Variants in KCNIP1 observed in about 807,000 individuals in gnomAD.
KCNIP1 encodes the protein potassium voltage-gated channel interacting protein 1, also known as A-type potassium channel modulatory protein KCNIP1.
KCNIP1 carries 18 observed loss-of-function variants against 33.0 expected under a neutral mutation model. The observed-to-expected ratio is 0.55, with a 90% CI of 0.38 to 0.81. KCNIP1 has a LOEUF of 0.81. KCNIP1 is among the 30% of genes least tolerant of loss of function. The pLI, the probability that KCNIP1 is intolerant of heterozygous loss-of-function variation, is 0.00. For missense variants in KCNIP1, 238 were observed against 271.6 expected, an observed-to-expected ratio of 0.88 and a Z score of 0.87; for synonymous variants, 93 against 98.3, an observed-to-expected ratio of 0.95 and a Z score of 0.32.
intron 1 of KCNIP1, among the ~76,000 whole-genome samples, chr5:170,396,295 G>A (rs1754761431): frequency 6.6e-6 from 1 of 152,212 alleles, no homozygotes; most frequent in Non-Finnish European, 1.5e-5. Context: ...CCAGCCTGGG[G>A]AGACCCTCAG....
chr5:170,453,207 T>A (rs1316234793), intron 1 of KCNIP1, among the ~76,000 whole-genome samples: 2 of 152,234 alleles, frequency 1.3e-5, no homozygotes, highest in Admixed American at 6.5e-5. Flanking sequence ...GCTCTCAAAA[T>A]GCATTTACGC....
At chr5:170,665,472 A>G (rs950580819) in intron 1 of KCNIP1, among the ~76,000 whole-genome samples, 1 of 152,168 alleles carries the variant, frequency 6.6e-6, no homozygotes, top group Non-Finnish European at 1.5e-5. Context: ...TTTCAAAACA[A>G]ACTCTTCATT....
chr5:170,383,812 G>A, intron 1 of KCNIP1: 1 of 1,614,084 alleles, frequency 6.2e-7, no homozygotes, highest in African/African-American at 1.3e-5. Flanking sequence ...CCTGATGTTG[G>A]TCTCAATCAG....
chr5:170,383,587 C>T, intron 1 of KCNIP1: 1 of 1,435,634 alleles, frequency 7.0e-7, no homozygotes, highest in Non-Finnish European at 9.7e-7. Context: ...GTGGGTTGAT[C>T]TTTCTCAGCC....
intron 1 of KCNIP1, among the ~76,000 whole-genome samples, chr5:170,627,311 TC>T (rs1321098101): frequency 5.3e-5 from 8 of 152,188 alleles, no homozygotes; most frequent in Non-Finnish European, 8.8e-5. Flanking sequence ...CTGAGAGAGT[TC>T]CCTCTGCATC....
intron 1 of KCNIP1, among the ~76,000 whole-genome samples, chr5:170,395,651 T>C (rs566080261): frequency 2.0e-5 from 3 of 152,308 alleles, no homozygotes; most frequent in Non-Finnish European, 2.9e-5. Flanking sequence ...TGGATAGAGA[T>C]GGCAACATCA....
chr5:170,476,616 A>G (rs896329839), intron 1 of KCNIP1, among the ~76,000 whole-genome samples: 1 of 152,192 alleles, frequency 6.6e-6, no homozygotes, highest in Non-Finnish European at 1.5e-5. Context: ...TATCAAAGTT[A>G]CGGTCTTGGG....
In KCNIP1 at chr5:170,682,882, G is replaced by A. The variant is rs1252708199; in HGVS notation, c.62-35876G>A. Among the ~76,000 whole-genome samples the A allele has an allele frequency of 1.3e-4, 18 of 136,606 alleles. No individual in the cohort carries two copies. In the Admixed American group the frequency reaches 1.4e-3, roughly 11 times the overall value. 89.6% of individuals were successfully genotyped at this position (136,606 alleles called of 152,430 possible). A position where few individuals can be genotyped will look rare whatever the true frequency, so the allele number is the denominator to read the frequency against. ...GACCTCAGGTCATCCACCTGCCTTG[G>A]CCTCCCAAAGTGCTGGGATTACAGG... On this transcript the variant is annotated intron_variant, in intron 1 of 7. Transcript: ENST00000328939.
At chr5:170,679,137 C>T (rs1322540673) in intron 1 of KCNIP1, 1 of 152,204 alleles carries the variant, frequency 6.6e-6, no homozygotes, top group Admixed American at 6.5e-5. Context: ...AGCGTGGCAT[C>T]CTGGTAATTC....
At chr5:170,725,850 C>T (rs1310094776) in intron 5 of KCNIP1, among the ~76,000 whole-genome samples, 1 of 151,522 alleles carries the variant, frequency 6.6e-6, no homozygotes, top group Non-Finnish European at 1.5e-5. Context: ...AGAGATAGAC[C>T]CACCCATATG....
intron 1 of KCNIP1, chr5:170,484,071 A>G (rs1278523582): frequency 6.6e-6 from 1 of 152,292 alleles, no homozygotes; most frequent in Non-Finnish European, 1.5e-5. Context: ...AGCAGGGGGC[A>G]CTCACATCAT....
intron 1 of KCNIP1, among the ~76,000 whole-genome samples, chr5:170,488,817 C>T (rs935569495): frequency 3.3e-5 from 5 of 152,132 alleles, no homozygotes; most frequent in African/African-American, 7.2e-5. Context: ...GGAGCATCCA[C>T]GTGAGCAAAT....
intron 1 of KCNIP1, among the ~76,000 whole-genome samples, chr5:170,595,350 A>G (rs557411039): frequency 3.1e-4 from 47 of 152,360 alleles, no homozygotes; most frequent in African/African-American, 1.1e-3. Context: ...CAGTTCCATC[A>G]GTGGTGGGAT....
At chr5:170,731,741 A>C in intron 5 of KCNIP1, among the ~76,000 whole-genome samples, 1 of 151,854 alleles carries the variant, frequency 6.6e-6, no homozygotes, top group Admixed American at 6.6e-5. Context: ...AAACTCATAC[A>C]GATTAGAAGA....
chr5:170,726,638 G>A (rs536837227), intron 5 of KCNIP1, among the ~76,000 whole-genome samples: 9 of 150,760 alleles, frequency 6.0e-5, no homozygotes, highest in South Asian at 2.1e-4. Flanking sequence ...GGTGGCTTAC[G>A]CCTATAATCC....
intron 1 of KCNIP1, among the ~76,000 whole-genome samples, chr5:170,373,549 AT>A (rs1449386899): frequency 2.6e-5 from 4 of 152,258 alleles, no homozygotes; most frequent in African/African-American, 4.8e-5. Flanking sequence ...GAATTTACTT[AT>A]TTTAAAATAA....
chr5:170,699,957 A>G (rs776829203), intron 1 of KCNIP1, among the ~76,000 whole-genome samples: 7 of 152,212 alleles, frequency 4.6e-5, no homozygotes, highest in Non-Finnish European at 8.8e-5. Flanking sequence ...CCTAAAAATA[A>G]CAAGACTGTA....
At position 170,709,937 on chromosome 5, in the gene KCNIP1, G is replaced by A. The variant is rs190127588; in HGVS notation, c.62-8821G>A. Among the ~76,000 whole-genome samples the A allele has an allele frequency of 1.3e-3, 199 of 151,494 alleles. No homozygotes were observed. In the Middle Eastern group the frequency reaches 0.02, roughly 16 times the overall value. ...GCCTGGAGTGCAGTAGCACAATCTC[G>A]GCTCACTGCAGCCTCCACCCCTTGG... On this transcript the variant is annotated intron_variant, in intron 1 of 7. Coordinates refer to ENST00000328939, the MANE Select transcript of KCNIP1 (RefSeq NM_014592.4).
intron 1 of KCNIP1, among the ~76,000 whole-genome samples, chr5:170,696,016 C>CAAAAAAAAAAAAAAAAA (rs34474795): frequency 3.8e-4 from 36 of 93,948 alleles, no homozygotes; most frequent in African/African-American, 1.1e-3. Context: ...GACTCTGTCT[C>CAAAAAAAAAAAAAAAAA]AAAAAAAAAA....
Sources: gnomAD v4.1 joint callset for allele counts (sites outside exome capture counted in the v4.1 genomes callset) on GRCh38, gnomAD v4.1.1 for gene constraint, MANE v1.5 for transcripts, NCBI Gene and HGNC (gene_info 2026-07-23, HGNC 2026-07-21) for gene names.